SSH2: variants seen among roughly 807,000 people sequenced by gnomAD.
SSH2 encodes the protein slingshot protein phosphatase 2, also known as protein phosphatase Slingshot homolog 2.
Under a neutral mutation model 135.2 loss-of-function variants are expected in SSH2, and 37 were observed. The ratio of observed to expected loss-of-function variants is 0.27; its 90% CI spans 0.21 to 0.36. The LOEUF (loss-of-function observed/expected upper bound fraction) is 0.36, where lower values mean the gene tolerates loss of function less well. Ranked by LOEUF, SSH2 falls within the 10% of genes least tolerant of loss-of-function variation. SSH2 has a pLI of 1.00. For missense variants in SSH2, 1,408 were observed against 1,765.3 expected (o/e 0.80, Z 3.63); for synonymous variants, 628 against 646.2 (o/e 0.97, Z 0.43).
intron 2 of SSH2, among the ~76,000 whole-genome samples, chr17:29,822,804 A>T (rs1196139351): frequency 6.6e-6 from 1 of 152,142 alleles, no homozygotes; most frequent in Non-Finnish European, 1.5e-5. Context: ...GCTAAGACTG[A>T]CCATATTTAT....
intron 14 of SSH2, chr17:29,644,949 C>T (rs1333361516): frequency 6.6e-6 from 1 of 152,098 alleles, no homozygotes; most frequent in Non-Finnish European, 1.5e-5. Flanking sequence ...CTAGATAGTA[C>T]TTAAAATCCA....
intron 2 of SSH2, among the ~76,000 whole-genome samples, chr17:29,807,360 T>C (rs1181198135): frequency 6.6e-6 from 1 of 152,244 alleles, no homozygotes; most frequent in African/African-American, 2.4e-5. Context: ...TTACTATTTA[T>C]ATTTAAATCT....
At chr17:29,896,494 C>T (rs1313696983) in intron 1 of SSH2, among the ~76,000 whole-genome samples, 1 of 149,390 alleles carries the variant, frequency 6.7e-6, no homozygotes, top group East Asian at 1.9e-4. Context: ...CATGTTATAA[C>T]AGGCACTTGG....
At chr17:29,719,654 C>CT (rs2039754265) in intron 3 of SSH2, among the ~76,000 whole-genome samples, 2 of 144,128 alleles carry the variant, frequency 1.4e-5, no homozygotes, top group African/African-American at 5.2e-5. Context: ...AAGTTCTTCC[C>CT]ATTTCACAGA....
intron 5 of SSH2, among the ~76,000 whole-genome samples, chr17:29,690,851 CA>C (rs1380458304): frequency 6.6e-6 from 1 of 151,784 alleles, no homozygotes; most frequent in African/African-American, 2.4e-5. Flanking sequence ...AAGTAGGTTA[CA>C]AAAAGGTATT....
intron 1 of SSH2, among the ~76,000 whole-genome samples, chr17:29,852,677 G>A (rs889238651): frequency 4.6e-5 from 7 of 151,368 alleles, no homozygotes; most frequent in East Asian, 2.0e-4. Context: ...TCAGCCTCCC[G>A]AGTAGCTGGG....
intron 5 of SSH2, among the ~76,000 whole-genome samples, chr17:29,685,751 T>G (rs1457126393): frequency 6.8e-6 from 1 of 147,350 alleles, no homozygotes; most frequent in East Asian, 2.2e-4. Flanking sequence ...ATCACCCCAC[T>G]GCCCTCCAGC....
At chr17:29,844,983 A>G (rs2043106967) in intron 2 of SSH2, among the ~76,000 whole-genome samples, 1 of 152,242 alleles carries the variant, frequency 6.6e-6, no homozygotes, top group South Asian at 2.1e-4. Context: ...AATAGCCATA[A>G]AACTAATTTG....
At chr17:29,647,892 AC>A in intron 14 of SSH2, 1 of 408,202 alleles carries the variant, frequency 2.4e-6, no homozygotes, top group South Asian at 2.5e-5. Flanking sequence ...CGAACTCCTG[AC>A]CTCAAATGAT....
At chr17:29,667,870 G>A (rs966642319) in intron 9 of SSH2, among the ~76,000 whole-genome samples, 4 of 152,304 alleles carry the variant, frequency 2.6e-5, no homozygotes, top group Middle Eastern at 3.4e-3. Flanking sequence ...GAAGGATTAT[G>A]TCACTTCCTT....
At chr17:29,753,809 A>G (rs2041029180) in intron 3 of SSH2, among the ~76,000 whole-genome samples, 1 of 142,434 alleles carries the variant, frequency 7.0e-6, no homozygotes, top group Non-Finnish European at 1.5e-5. Context: ...AAAAAAAAAA[A>G]GAACAAATTG....
chr17:29,812,662 G>A (rs533385004), intron 2 of SSH2, among the ~76,000 whole-genome samples: 1 of 152,104 alleles, frequency 6.6e-6, no homozygotes. Context: ...ACACCGAAGC[G>A]GGTGGATCAC....
At chr17:29,677,583 TG>T in intron 7 of SSH2, 89 bp downstream of exon 7, 1 of 1,072,762 alleles carries the variant, frequency 9.3e-7, no homozygotes, top group Non-Finnish European at 1.4e-6. Flanking sequence ...GTTGGCACAC[TG>T]GGCCTCCCTT....
intron 3 of SSH2, among the ~76,000 whole-genome samples, chr17:29,781,332 T>A (rs1469815000): frequency 6.6e-6 from 1 of 151,848 alleles, no homozygotes; most frequent in Non-Finnish European, 1.5e-5. Flanking sequence ...AGATAAAAAA[T>A]AAACAGAGCA....
rs145104088 is a variant in SSH2, at chr17:29,631,891, T to C, written c.3303A>G (p.Gln1101=). Reference sequence around the variant, plus strand: ...AGGAAGAATGAGGCAGAGGTAGCACTTGGGGGTGCAGAGAAACCTGGTTGG... The same window carrying C: ...AGGAAGAATGAGGCAGAGGTAGCACCTGGGGGTGCAGAGAAACCTGGTTGG... ...LDPNQVSLHP[Q]VLPLPHSSSP... Residue 1101 remains glutamine, a synonymous_variant, in exon 16 of 16, where the codon CAA becomes CAG. Coordinates refer to ENST00000540801, the MANE Select transcript of SSH2 (RefSeq NM_001282129.2). 18 of 1,614,182 alleles carry C rather than the reference T, an allele frequency of 1.1e-5. No homozygotes were observed. In the African/African-American group the frequency reaches 2.3e-4, roughly 20 times the overall value.
rs1044728700 is a variant in SSH2 at position 29,836,583 on chromosome 17, C to T, written c.144+12266G>A. Among the ~76,000 whole-genome samples, 10 of 152,132 alleles carry T rather than the reference C, an allele frequency of 6.6e-5. 1 individual carries two copies. In the East Asian group the frequency reaches 9.6e-4, roughly 15 times the overall value. On this transcript the variant is annotated intron_variant, in intron 2 of 15. Coordinates refer to ENST00000540801, the MANE Select transcript of SSH2 (RefSeq NM_001282129.2). ...ACATCAGAAATGTAATGTGAAATAA[C>T]GTACGTACTAACATTTGTTTTTACT...
At chr17:29,915,476 A>G (rs1204074189) in intron 1 of SSH2, among the ~76,000 whole-genome samples, 1 of 152,190 alleles carries the variant, frequency 6.6e-6, no homozygotes, top group Non-Finnish European at 1.5e-5. Flanking sequence ...GGCAATTTCT[A>G]TTTTGCCACA....
chr17:29,909,522 T>C lies in SSH2; in HGVS notation c.63+20416A>G, dbSNP rs538024909. Among the ~76,000 whole-genome samples the C allele has an allele frequency of 5.3e-5, 8 of 152,272 alleles. No homozygotes were observed. The South Asian group carries it at 1.7e-3, about 32-fold the overall frequency. ...GGAGACTGCTCAATATTTAAAGACT[T>C]GAAAAAGCATAAGCTAATTATAACT... On this transcript the variant is annotated intron_variant, in intron 1 of 15. Transcript: ENST00000540801.
chr17:29,854,920 C>T (rs747450760), intron 1 of SSH2, among the ~76,000 whole-genome samples: 8 of 152,050 alleles, frequency 5.3e-5, no homozygotes, highest in African/African-American at 7.2e-5. Flanking sequence ...GCACTCCAGC[C>T]TGGGAGACAG....
Sources: allele counts gnomAD v4.1 joint callset (sites outside exome capture counted in the v4.1 genomes callset), GRCh38; gene constraint gnomAD v4.1.1; transcripts MANE v1.5; gene names NCBI Gene and HGNC (gene_info 2026-07-23, HGNC 2026-07-21).